Variants in ERBB4 observed in about 807,000 individuals in gnomAD.
ERBB4 encodes receptor tyrosine-protein kinase erbB-4.
Under a neutral mutation model 158.0 loss-of-function variants are expected in ERBB4, and 42 were observed. That is an observed-to-expected ratio of 0.27 (90% confidence interval 0.21 to 0.34). ERBB4 has a LOEUF of 0.34. Among genes scored for constraint, ERBB4 ranks in the 10% least tolerant of loss-of-function variants. The pLI, the probability that ERBB4 is intolerant of heterozygous loss-of-function variation, is 1.00. For synonymous variants in ERBB4, 583 were observed against 558.7 expected (o/e 1.04, Z -0.61); for missense variants, 1,333 against 1,624.1 (o/e 0.82, Z 3.08).
At chr2:211,418,610 A>G (rs112587780) in intron 25 of ERBB4, among the ~76,000 whole-genome samples, 2,004 of 152,274 alleles carry the variant, frequency 0.013, 37 homozygotes, top group African/African-American at 0.044. Context: ...TAAAATGAAC[A>G]AAAAGCTGAA....
Position 212,437,385 on chromosome 2 carries a change from T to C in ERBB4, c.82+101064A>G, listed in dbSNP as rs543427857. ...CTTGGCAGTAAAATCAGATGGCTTATGTAGCAATTTTTGAGTTCTAAAGAG... is the reference window on the plus strand; with the variant it reads ...CTTGGCAGTAAAATCAGATGGCTTACGTAGCAATTTTTGAGTTCTAAAGAG... On this transcript the variant is annotated intron_variant, in intron 1 of 27. Coordinates refer to ENST00000342788, the MANE Select transcript of ERBB4 (RefSeq NM_005235.3). Among the ~76,000 whole-genome samples, 8 of 152,092 alleles carry C rather than the reference T, an allele frequency of 5.3e-5. No homozygotes were observed. In the South Asian group the frequency reaches 8.3e-4, roughly 16 times the overall value.
At chr2:212,452,938 T>C (rs1430332743) in intron 1 of ERBB4, among the ~76,000 whole-genome samples, 2 of 152,178 alleles carry the variant, frequency 1.3e-5, no homozygotes, top group East Asian at 3.8e-4. Flanking sequence ...TAATTTCTAA[T>C]AGAAAAATTT....
At chr2:211,800,965 A>G (rs956171196) in intron 3 of ERBB4, among the ~76,000 whole-genome samples, 1 of 152,242 alleles carries the variant, frequency 6.6e-6, no homozygotes, top group African/African-American at 2.4e-5. Context: ...TTTAATTACC[A>G]TATCCAAACT....
At chr2:212,073,306 G>C (rs1034554968) in intron 2 of ERBB4, among the ~76,000 whole-genome samples, 2 of 152,016 alleles carry the variant, frequency 1.3e-5, no homozygotes, top group African/African-American at 4.8e-5. Flanking sequence ...AGAGGAGGAT[G>C]ATAGGTTTGC....
At chr2:211,430,243 T>C (rs1435566539) in intron 21 of ERBB4, among the ~76,000 whole-genome samples, 1 of 152,122 alleles carries the variant, frequency 6.6e-6, no homozygotes, top group Non-Finnish European at 1.5e-5. Flanking sequence ...AAGATTGCAT[T>C]TGCTTATTTC....
At chr2:211,459,597 C>G (rs931021849) in intron 20 of ERBB4, among the ~76,000 whole-genome samples, 2 of 152,150 alleles carry the variant, frequency 1.3e-5, no homozygotes, top group South Asian at 2.1e-4. Context: ...CTCACGAGGT[C>G]TGATGGTTTT....
At chr2:212,253,588 T>C (rs189412473) in intron 1 of ERBB4, among the ~76,000 whole-genome samples, 2 of 152,288 alleles carry the variant, frequency 1.3e-5, no homozygotes, top group East Asian at 1.9e-4. Context: ...CATTTCTAAC[T>C]AGATTTCAGG....
intron 20 of ERBB4, among the ~76,000 whole-genome samples, chr2:211,464,971 C>CT (rs908796417): frequency 2.5e-4 from 19 of 75,706 alleles, no homozygotes; most frequent in African/African-American, 5.4e-4. Flanking sequence ...CCTTGTTTTT[C>CT]TTTTTTTTTT....
intron 3 of ERBB4, among the ~76,000 whole-genome samples, chr2:211,833,516 A>T (rs1181202112): frequency 1.3e-5 from 2 of 151,882 alleles, no homozygotes; most frequent in African/African-American, 4.8e-5. Context: ...GACTACAATG[A>T]TTTGTTTAGA....
intron 4 of ERBB4, among the ~76,000 whole-genome samples, chr2:211,780,939 A>T (rs991422723): frequency 6.6e-6 from 1 of 152,216 alleles, no homozygotes; most frequent in Non-Finnish European, 1.5e-5. Context: ...TTTTGAAAAC[A>T]GTGTGATTTC....
At chr2:212,473,099 A>G (rs1172716599) in intron 1 of ERBB4, among the ~76,000 whole-genome samples, 1 of 151,834 alleles carries the variant, frequency 6.6e-6, no homozygotes, top group Non-Finnish European at 1.5e-5. Flanking sequence ...AAAAATGGAG[A>G]CCTGTCAATT....
At chr2:211,603,266 T>G (rs1263179872) in intron 19 of ERBB4, among the ~76,000 whole-genome samples, 3 of 151,840 alleles carry the variant, frequency 2.0e-5, no homozygotes, top group Non-Finnish European at 4.4e-5. Context: ...TTAAAGGATT[T>G]CTCCCAGATA....
chr2:211,414,016 C>T (rs150095015), intron 25 of ERBB4, among the ~76,000 whole-genome samples: 20 of 152,078 alleles, frequency 1.3e-4, no homozygotes, highest in Non-Finnish European at 2.2e-4. Flanking sequence ...ACTGCGGGCA[C>T]GCCCAGGCAA....
intron 1 of ERBB4, among the ~76,000 whole-genome samples, chr2:212,351,821 C>T (rs2089265809): frequency 6.6e-6 from 1 of 152,110 alleles, no homozygotes; most frequent in East Asian, 1.9e-4. Context: ...TTGCTAAGGT[C>T]ATACATTGCA....
intron 2 of ERBB4, among the ~76,000 whole-genome samples, chr2:211,963,587 C>A (rs2081240419): frequency 6.6e-6 from 1 of 152,048 alleles, no homozygotes; most frequent in African/African-American, 2.4e-5. Flanking sequence ...AAATAAATAT[C>A]TATTTATAAG....
intron 19 of ERBB4, among the ~76,000 whole-genome samples, chr2:211,595,757 A>G (rs1248208312): frequency 6.6e-6 from 1 of 152,214 alleles, no homozygotes; most frequent in Non-Finnish European, 1.5e-5. Flanking sequence ...ATATGCAACT[A>G]GTACTGCAAT....
At chr2:211,420,412 TATG>T in intron 25 of ERBB4, 26 bp downstream of exon 25, 1 of 1,458,932 alleles carries the variant, frequency 6.9e-7, no homozygotes, top group Non-Finnish European at 9.6e-7. Flanking sequence ...TCAGAAAGAA[TATG>T]ATATGTGTAT....
At chr2:211,777,756 C>G (rs1436134294) in intron 4 of ERBB4, 1 of 152,144 alleles carries the variant, frequency 6.6e-6, no homozygotes. Context: ...TAATATGAAA[C>G]TAAAATGACA....
intron 3 of ERBB4, among the ~76,000 whole-genome samples, chr2:211,812,136 G>T (rs1406927147): frequency 6.6e-6 from 1 of 152,180 alleles, no homozygotes; most frequent in Non-Finnish European, 1.5e-5. Context: ...CAGCTTTTCT[G>T]CTCTGGTTTC....
Sources: allele counts gnomAD v4.1 joint callset (sites outside exome capture counted in the v4.1 genomes callset), GRCh38; gene constraint gnomAD v4.1.1; transcripts MANE v1.5; gene names NCBI Gene and HGNC (gene_info 2026-07-23, HGNC 2026-07-21).